RBFOX1: variants seen among roughly 807,000 people sequenced by gnomAD.
RBFOX1 encodes RNA binding protein fox-1 homolog 1.
Under a neutral mutation model 57.7 loss-of-function variants are expected in RBFOX1, and 8 were observed. The observed-to-expected ratio is 0.14, with a 90% confidence interval of 0.08 to 0.25. RBFOX1 has a LOEUF of 0.25. Ranked by LOEUF, RBFOX1 falls within the 10% of genes least tolerant of loss-of-function variation. The probability of loss-of-function intolerance (pLI) is 1.00; values close to 1 mark genes in which losing one functional copy is unlikely to be tolerated. For synonymous variants in RBFOX1, 326 were observed against 222.4 expected, an observed-to-expected ratio of 1.47 and a Z score of -4.15; for missense variants, 611 against 548.5, an observed-to-expected ratio of 1.11 and a Z score of -1.14.
intron 4 of RBFOX1, among the ~76,000 whole-genome samples, chr16:7,460,948 A>G (rs746238216): frequency 3.3e-5 from 5 of 152,296 alleles, no homozygotes; most frequent in South Asian, 2.1e-4. Context: ...ACCCATCAAC[A>G]TGGAATAATC....
intron 2 of RBFOX1, among the ~76,000 whole-genome samples, chr16:6,348,544 C>A (rs958474729): frequency 6.6e-6 from 1 of 152,064 alleles, no homozygotes; most frequent in African/African-American, 2.4e-5. Flanking sequence ...AAGAAATGAG[C>A]ATTAATTGGA....
intron 3 of RBFOX1, among the ~76,000 whole-genome samples, chr16:6,930,183 A>G (rs936993831): frequency 3.3e-5 from 5 of 152,226 alleles, no homozygotes; most frequent in Admixed American, 2.0e-4. Context: ...ATCTTTGATA[A>G]GGGATTAATA....
intron 3 of RBFOX1, among the ~76,000 whole-genome samples, chr16:6,915,094 G>A (rs1307039361): frequency 3.9e-5 from 6 of 152,196 alleles, no homozygotes; most frequent in Non-Finnish European, 5.9e-5. Flanking sequence ...ACTGCACACT[G>A]AGAACTGGCC....
intron 1 of RBFOX1, among the ~76,000 whole-genome samples, chr16:6,021,598 G>C (rs2095079205): frequency 1.3e-5 from 2 of 152,136 alleles, no homozygotes; most frequent in Non-Finnish European, 2.9e-5. Flanking sequence ...AGAATCCCCT[G>C]GGCTTTCCTT....
chr16:6,003,591 A>C (rs552103291), intron 4 of RBFOX1, among the ~76,000 whole-genome samples: 1 of 152,038 alleles, frequency 6.6e-6, no homozygotes, highest in Admixed American at 6.6e-5. Context: ...TTTTAAATAC[A>C]GCGACAGCTT....
chr16:7,389,916 TATAAAG>T (rs1180297154), intron 4 of RBFOX1, among the ~76,000 whole-genome samples: 12 of 152,188 alleles, frequency 7.9e-5, no homozygotes, highest in Non-Finnish European at 1.3e-4. Context: ...CTCATACTGT[TATAAAG>T]AGATACCTGA....
intron 1 of RBFOX1, among the ~76,000 whole-genome samples, chr16:6,068,787 T>C (rs555720799): frequency 5.2e-4 from 79 of 152,256 alleles, no homozygotes; most frequent in African/African-American, 1.8e-3. Flanking sequence ...TCTGGAAAAC[T>C]TTCTAATTTT....
At chr16:6,080,898 A>G (rs2095991122) in intron 1 of RBFOX1, among the ~76,000 whole-genome samples, 2 of 152,166 alleles carry the variant, frequency 1.3e-5, no homozygotes, top group African/African-American at 2.4e-5. Flanking sequence ...ATTTTAAAGT[A>G]TTTGAAGAGA....
chr16:6,513,508 C>T lies in RBFOX1; in HGVS notation c.-63-141095C>T, dbSNP rs548840186. On this transcript the variant is annotated intron_variant, in intron 2 of 15. Transcript: ENST00000550418. The stretch of plus-strand genomic sequence containing the variant: ...CATCACTTTGGGAGGTCGAGGCAGG[C>T]GGATCACCTGAGGTCAGGAGTTCGA... 4.5e-4 allele frequency among the ~76,000 whole-genome samples: 69 copies of T among 152,026 alleles called. 2 individuals carry two copies. The South Asian group carries it at 5.8e-3, about 13-fold the overall frequency.
intron 1 of RBFOX1, chr16:6,037,713 G>C (rs1596571630): frequency 6.6e-6 from 1 of 152,116 alleles, no homozygotes; most frequent in African/African-American, 2.4e-5. Flanking sequence ...TCCTGCCTCA[G>C]CCTCCTGTGT....
chr16:7,346,944 G>A (rs1281877127), intron 4 of RBFOX1, among the ~76,000 whole-genome samples: 1 of 152,156 alleles, frequency 6.6e-6, no homozygotes, highest in African/African-American at 2.4e-5. Context: ...ACTGTGTTTT[G>A]AGGTGTAGTG....
At chr16:7,403,409 A>G (rs868319656) in intron 4 of RBFOX1, among the ~76,000 whole-genome samples, 3 of 152,210 alleles carry the variant, frequency 2.0e-5, no homozygotes, top group Admixed American at 6.5e-5. Flanking sequence ...GCCTCTGGCA[A>G]CCACTCTTCT....
chr16:7,506,408 A>T (rs949116763), intron 4 of RBFOX1, among the ~76,000 whole-genome samples: 2 of 152,128 alleles, frequency 1.3e-5, no homozygotes, highest in African/African-American at 4.8e-5. Context: ...AGATAAAAAT[A>T]TGCGGTGTGT....
At position 5,938,374 on chromosome 16, in the gene RBFOX1, G is replaced by A. The variant is rs182895012; in HGVS notation, c.351+71039G>A. On this transcript the variant is annotated intron_variant, in intron 4 of 19. Transcript: ENST00000641259. Reference sequence around the variant, plus strand: ...ATTTCAATTTTGGCCCTATTTCAGTGCACATTCTCAAGCTGAGTGACTTAG... The same window carrying A: ...ATTTCAATTTTGGCCCTATTTCAGTACACATTCTCAAGCTGAGTGACTTAG... Among the ~76,000 whole-genome samples the A allele has an allele frequency of 6.6e-5, 10 of 152,224 alleles. No individual in the cohort carries two copies. The East Asian group carries it at 1.9e-3, about 29-fold the overall frequency.
At chr16:5,518,313 G>T (rs1231333956) in intron 2 of RBFOX1, among the ~76,000 whole-genome samples, 1 of 151,860 alleles carries the variant, frequency 6.6e-6, no homozygotes, top group Non-Finnish European at 1.5e-5. Context: ...TTTGCCACAT[G>T]AAAGCCCCAT....
At chr16:7,347,057 G>C (rs1568334954) in intron 4 of RBFOX1, among the ~76,000 whole-genome samples, 1 of 152,186 alleles carries the variant, frequency 6.6e-6, no homozygotes, top group Non-Finnish European at 1.5e-5. Context: ...GATCTCAGCA[G>C]GCAGAATTTA....
intron 3 of RBFOX1, among the ~76,000 whole-genome samples, chr16:6,677,011 C>G (rs1461305393): frequency 3.3e-5 from 5 of 152,190 alleles, no homozygotes; most frequent in Non-Finnish European, 5.9e-5. Context: ...TCCAAAAGAC[C>G]AAAAGACTTG....
intron 2 of RBFOX1, among the ~76,000 whole-genome samples, chr16:5,538,712 G>A (rs977868208): frequency 5.3e-5 from 8 of 150,250 alleles, no homozygotes; most frequent in Middle Eastern, 3.2e-3. Flanking sequence ...TGCAACCTTC[G>A]CCTTCCCGGA....
intron 4 of RBFOX1, among the ~76,000 whole-genome samples, chr16:7,395,710 A>G (rs993161155): frequency 6.6e-6 from 1 of 152,366 alleles, no homozygotes; most frequent in African/African-American, 2.4e-5. Flanking sequence ...CAAATGCTCT[A>G]TGAATATGTC....
Sources: gnomAD v4.1 joint callset for allele counts (sites outside exome capture counted in the v4.1 genomes callset) on GRCh38, gnomAD v4.1.1 for gene constraint, MANE v1.5 for transcripts, NCBI Gene and HGNC (gene_info 2026-07-23, HGNC 2026-07-21) for gene names.